The following RBFOX1 variants were observed in gnomAD, a reference collection of about 807,000 sequenced individuals.
RBFOX1 encodes the protein RNA binding protein fox-1 homolog 1.
In RBFOX1, 8 loss-of-function variants were observed where a neutral mutation model predicts 57.7. The ratio of observed to expected loss-of-function variants is 0.14; its 90% CI spans 0.08 to 0.25. The LOEUF is 0.25. RBFOX1 is among the 10% of genes least tolerant of loss of function. RBFOX1 has a pLI of 1.00. For synonymous variants in RBFOX1, 326 were observed against 222.4 expected (o/e 1.47, Z -4.15); for missense variants, 611 against 548.5 (o/e 1.11, Z -1.14).
At chr16:5,679,510 C>A (rs895599421) in intron 3 of RBFOX1, among the ~76,000 whole-genome samples, 1 of 152,062 alleles carries the variant, frequency 6.6e-6, no homozygotes, top group Non-Finnish European at 1.5e-5. Flanking sequence ...CCTTGTCCCC[C>A]ACCCCCCGAC....
chr16:5,537,502 A>G (rs1363015059), intron 2 of RBFOX1, among the ~76,000 whole-genome samples: 1 of 152,236 alleles, frequency 6.6e-6, no homozygotes, highest in African/African-American at 2.4e-5. Context: ...GAACTTCCTT[A>G]CTGGAGGCTG....
intron 4 of RBFOX1, among the ~76,000 whole-genome samples, chr16:7,246,105 GT>G (rs1303926987): frequency 1.3e-5 from 2 of 151,390 alleles, no homozygotes; most frequent in Admixed American, 6.6e-5. Context: ...TATTTTGAGA[GT>G]TTTTTTCATA....
At chr16:7,424,760 GCAAA>G (rs1014291437) in intron 4 of RBFOX1, among the ~76,000 whole-genome samples, 6 of 152,214 alleles carry the variant, frequency 3.9e-5, no homozygotes, top group South Asian at 2.1e-4. Flanking sequence ...CTAAAAGCAA[GCAAA>G]CAAACAAACA....
intron 3 of RBFOX1, among the ~76,000 whole-genome samples, chr16:7,000,583 T>C (rs2092690538): frequency 1.0e-5 from 1 of 97,610 alleles, no homozygotes; most frequent in African/African-American, 5.2e-5. Flanking sequence ...TCTTTTTTTC[T>C]TTCTTTTTCT....
intron 2 of RBFOX1, among the ~76,000 whole-genome samples, chr16:6,345,567 C>T (rs919630188): frequency 6.6e-6 from 1 of 152,156 alleles, no homozygotes; most frequent in African/African-American, 2.4e-5. Flanking sequence ...CAGTTGCCAC[C>T]TCCTACCTCA....
chr16:6,517,463 A>G (rs778408130), intron 2 of RBFOX1, among the ~76,000 whole-genome samples: 8 of 152,100 alleles, frequency 5.3e-5, no homozygotes, highest in Non-Finnish European at 1.2e-4. Context: ...GAGAATTCCC[A>G]TTTCTGATAC....
intron 4 of RBFOX1, among the ~76,000 whole-genome samples, chr16:7,403,562 TCC>T (rs33991020): frequency 0.047 from 5,374 of 114,630 alleles, 149 homozygotes; most frequent in African/African-American, 0.052. Context: ...AATGAGAGAA[TCC>T]CCCCCCCCCC....
At chr16:7,164,427 C>A (rs1024043150) in intron 4 of RBFOX1, among the ~76,000 whole-genome samples, 1 of 152,138 alleles carries the variant, frequency 6.6e-6, no homozygotes, top group Non-Finnish European at 1.5e-5. Context: ...TATAAACATA[C>A]GTCTACAAGT....
At chr16:6,075,834 A>G (rs1374393127) in intron 1 of RBFOX1, among the ~76,000 whole-genome samples, 5 of 152,232 alleles carry the variant, frequency 3.3e-5, no homozygotes, top group South Asian at 2.1e-4. Flanking sequence ...AAGACACACA[A>G]TAATAACCAC....
intron 2 of RBFOX1, among the ~76,000 whole-genome samples, chr16:5,475,301 G>C (rs1311852799): frequency 2.6e-5 from 4 of 152,180 alleles, no homozygotes; most frequent in African/African-American, 9.6e-5. Context: ...TGATTTGAAG[G>C]TAGGCATCCT....
At chr16:6,966,967 T>C (rs1364801371) in intron 3 of RBFOX1, among the ~76,000 whole-genome samples, 1 of 152,042 alleles carries the variant, frequency 6.6e-6, no homozygotes, top group Non-Finnish European at 1.5e-5. Flanking sequence ...TTTGCCTATA[T>C]AGACATTCAT....
chr16:7,054,362 C>A (rs938983314), intron 4 of RBFOX1, among the ~76,000 whole-genome samples: 6 of 150,664 alleles, frequency 4.0e-5, no homozygotes, highest in African/African-American at 1.5e-4. Context: ...GCCTCAGCCT[C>A]CAGAGTCGCT....
intron 3 of RBFOX1, among the ~76,000 whole-genome samples, chr16:6,999,112 G>A (rs919622807): frequency 2.1e-4 from 31 of 150,082 alleles, no homozygotes; most frequent in Admixed American, 2.6e-4. Flanking sequence ...CAGGTGATCC[G>A]CCCGCCTCTG....
At chr16:6,052,804 T>TAATAATAATA (rs1333699113) in intron 1 of RBFOX1, among the ~76,000 whole-genome samples, 7 of 144,238 alleles carry the variant, frequency 4.9e-5, no homozygotes, top group South Asian at 2.2e-4. Context: ...TAAAATAAAA[T>TAATAATAATA]ATAATAATAA....
At chr16:5,369,974 C>T (rs1414674963) in intron 1 of RBFOX1, among the ~76,000 whole-genome samples, 1 of 152,124 alleles carries the variant, frequency 6.6e-6, no homozygotes, top group East Asian at 1.9e-4. Context: ...AGAGTGGTTT[C>T]CTGCCAGTAC....
chr16:6,455,083 C>G (rs142512095), intron 2 of RBFOX1, among the ~76,000 whole-genome samples: 1 of 146,834 alleles, frequency 6.8e-6, no homozygotes, highest in East Asian at 2.0e-4. Flanking sequence ...TTAGTAGAGA[C>G]GGGGTTTCAC....
chr16:6,944,508 A>G (rs1197856324), intron 3 of RBFOX1, among the ~76,000 whole-genome samples: 1 of 152,158 alleles, frequency 6.6e-6, no homozygotes, highest in African/African-American at 2.4e-5. Flanking sequence ...ACTTTGGATC[A>G]GAGTGATAGT....
chr16:6,633,622 A>C (rs1294843014), intron 2 of RBFOX1, among the ~76,000 whole-genome samples: 2 of 152,054 alleles, frequency 1.3e-5, no homozygotes, highest in African/African-American at 4.8e-5. Context: ...AAATCAACAG[A>C]CTGTTTAACT....
intron 4 of RBFOX1, among the ~76,000 whole-genome samples, chr16:6,008,516 G>T (rs1184652065): frequency 1.3e-5 from 2 of 152,118 alleles, no homozygotes; most frequent in East Asian, 3.9e-4. Context: ...TTTTCTAAAA[G>T]CTTGCTGGTT....
Sources: allele counts gnomAD v4.1 joint callset (sites outside exome capture counted in the v4.1 genomes callset), GRCh38; gene constraint gnomAD v4.1.1; transcripts MANE v1.5; gene names NCBI Gene and HGNC (gene_info 2026-07-23, HGNC 2026-07-21).